Variants in PLXNC1 observed in about 807,000 individuals in gnomAD.
PLXNC1 encodes the protein plexin-C1.
A neutral mutation model predicts 178.2 loss-of-function variants in PLXNC1; 75 were observed. The ratio of observed to expected loss-of-function variants is 0.42; its 90% confidence interval spans 0.35 to 0.51. The LOEUF (loss-of-function observed/expected upper bound fraction) is 0.51. PLXNC1 is among the 20% of genes least tolerant of loss of function. The pLI is 0.02. For missense variants in PLXNC1, 1,503 were observed against 1,984.4 expected, an observed-to-expected ratio of 0.76 and a Z score of 4.61; for synonymous variants, 790 against 779.9, an observed-to-expected ratio of 1.01 and a Z score of -0.22.
At chr12:94,299,587 C>T (rs1056528110) in intron 27 of PLXNC1, among the ~76,000 whole-genome samples, 3 of 152,052 alleles carry the variant, frequency 2.0e-5, no homozygotes, top group Non-Finnish European at 4.4e-5. Flanking sequence ...GAGACAGGGT[C>T]TCACTCTTGT....
chr12:94,161,450 C>A (rs1336345790), intron 1 of PLXNC1, among the ~76,000 whole-genome samples: 1 of 152,190 alleles, frequency 6.6e-6, no homozygotes, highest in African/African-American at 2.4e-5. Flanking sequence ...GAACTTGAAA[C>A]CACATATTTT....
chr12:94,227,162 T>C lies in PLXNC1; in HGVS notation c.1907T>C (p.Val636Ala). The C allele has an allele frequency of 6.2e-7, 1 of 1,610,746 alleles. No individual in the cohort carries two copies. The change falls in exon 9 of 31, where the codon GTG (valine) becomes GCG (alanine). Residue 636 changes from valine (V) to alanine (A), a missense_variant. Physicochemically the swap from Val to Ala is moderately conservative, Grantham distance 64. Transcript: ENST00000258526. ...TCTCCATTCCAGGAACAGTGTCCAG[T>C]GGCTGTCGAGAAGACATCAGGAGGA... ...DYERNQEQCP[V>A]AVEKTSGGGR...
intron 2 of PLXNC1, among the ~76,000 whole-genome samples, chr12:94,176,793 A>G (rs1020707430): frequency 6.6e-6 from 1 of 152,098 alleles, no homozygotes; most frequent in African/African-American, 2.4e-5. Context: ...GTTGAAACAT[A>G]AAACACAGTA....
intron 22 of PLXNC1, 175 bp downstream of exon 22, chr12:94,279,824 T>G (rs1239631310): frequency 2.8e-6 from 2 of 712,172 alleles, no homozygotes; most frequent in East Asian, 2.7e-5. Flanking sequence ...TGGTCTCTCA[T>G]GGGCATCCTG....
intron 21 of PLXNC1, among the ~76,000 whole-genome samples, chr12:94,268,126 C>T (rs914917975): frequency 2.0e-5 from 3 of 152,202 alleles, no homozygotes; most frequent in Admixed American, 6.5e-5. Flanking sequence ...AAGGCCCCCA[C>T]ACTCGTGTTC....
intron 5 of PLXNC1, among the ~76,000 whole-genome samples, chr12:94,213,990 C>T (rs1963569006): frequency 6.6e-6 from 1 of 151,960 alleles, no homozygotes; most frequent in Non-Finnish European, 1.5e-5. Context: ...CCTCAGCCTC[C>T]CAAATAGCTA....
chr12:94,232,217 G>T (rs1416627563), intron 9 of PLXNC1, among the ~76,000 whole-genome samples: 2 of 152,138 alleles, frequency 1.3e-5, no homozygotes, highest in African/African-American at 4.8e-5. Context: ...CTCCCAAGTA[G>T]CTGGGATTAC....
intron 7 of PLXNC1, among the ~76,000 whole-genome samples, chr12:94,226,113 C>G (rs1042553284): frequency 6.6e-6 from 1 of 152,210 alleles, no homozygotes; most frequent in Non-Finnish European, 1.5e-5. Context: ...AAACACAATT[C>G]TTCCTTAATT....
chr12:94,194,580 CCT>C (rs1029221935), intron 4 of PLXNC1, among the ~76,000 whole-genome samples: 2 of 152,076 alleles, frequency 1.3e-5, no homozygotes, highest in African/African-American at 2.4e-5. Context: ...ATGGTGAAAC[CCT>C]GTCTCTACAA....
At chr12:94,197,785 C>G (rs1188369080) in intron 4 of PLXNC1, among the ~76,000 whole-genome samples, 1 of 151,998 alleles carries the variant, frequency 6.6e-6, no homozygotes, top group African/African-American at 2.4e-5. Context: ...GCCATTAGAG[C>G]AAAACAAAGA....
intron 20 of PLXNC1, among the ~76,000 whole-genome samples, chr12:94,263,326 G>A (rs374170660): frequency 2.6e-5 from 4 of 152,138 alleles, no homozygotes; most frequent in African/African-American, 7.2e-5. Context: ...ACAAGAGCCC[G>A]CAAGGGATTC....
At chr12:94,263,068 GC>G (rs1965043712) in intron 20 of PLXNC1, among the ~76,000 whole-genome samples, 3 of 152,256 alleles carry the variant, frequency 2.0e-5, no homozygotes, top group Non-Finnish European at 4.4e-5. Context: ...TCGAAGCCTG[GC>G]CCCTGGGGGA....
chr12:94,169,097 A>G (rs1478298113), intron 1 of PLXNC1, 56 bp from the exon 2 acceptor site: 16 of 1,465,934 alleles, frequency 1.1e-5, no homozygotes, highest in African/African-American at 1.4e-5. Context: ...GTATAATGAG[A>G]ACTATTGTTG....
intron 1 of PLXNC1, among the ~76,000 whole-genome samples, chr12:94,162,151 T>C (rs896156545): frequency 1.3e-5 from 2 of 152,178 alleles, no homozygotes; most frequent in Admixed American, 6.5e-5. Flanking sequence ...TGATTCAGAA[T>C]AAAAACTGAG....
intron 1 of PLXNC1, among the ~76,000 whole-genome samples, chr12:94,154,584 T>C (rs1408153199): frequency 1.3e-5 from 2 of 152,244 alleles, no homozygotes; most frequent in Admixed American, 1.3e-4. Flanking sequence ...TCCACTGCCA[T>C]GGACAGTCTG....
chr12:94,153,930 T>A (rs1961056934), intron 1 of PLXNC1, among the ~76,000 whole-genome samples: 1 of 152,218 alleles, frequency 6.6e-6, no homozygotes, highest in Non-Finnish European at 1.5e-5. Flanking sequence ...AAATCCGCAG[T>A]CTTCTTGTGA....
intron 4 of PLXNC1, among the ~76,000 whole-genome samples, chr12:94,193,292 A>G (rs1005187519): frequency 2.0e-5 from 3 of 152,186 alleles, no homozygotes; most frequent in Non-Finnish European, 4.4e-5. Flanking sequence ...GAGGGGACTG[A>G]GAAGAGCTGG....
intron 1 of PLXNC1, among the ~76,000 whole-genome samples, chr12:94,158,414 A>G (rs1961256643): frequency 6.6e-6 from 1 of 152,230 alleles, no homozygotes; most frequent in Admixed American, 6.5e-5. Flanking sequence ...GTTGGATTTT[A>G]TCCTGATGGT....
chr12:94,243,071 C>T (rs934339160), intron 11 of PLXNC1, among the ~76,000 whole-genome samples: 4 of 152,372 alleles, frequency 2.6e-5, no homozygotes, highest in East Asian at 1.9e-4. Context: ...ACGCTTGGCT[C>T]GGTTTTCTGG....
Sources: gnomAD v4.1 joint callset for allele counts (sites outside exome capture counted in the v4.1 genomes callset) on GRCh38, gnomAD v4.1.1 for gene constraint, MANE v1.5 for transcripts, NCBI Gene and HGNC (gene_info 2026-07-23, HGNC 2026-07-21) for gene names.